Variants in C1QTNF6 observed in about 807,000 individuals in gnomAD.
The protein encoded by C1QTNF6 is complement C1q tumor necrosis factor-related protein 6.
Under a neutral mutation model 20.7 loss-of-function variants are expected in C1QTNF6, and 17 were observed. That is an observed-to-expected ratio of 0.82 (90% confidence interval 0.56 to 1.23). The LOEUF (loss-of-function observed/expected upper bound fraction) is 1.23. Among genes scored for constraint, C1QTNF6 ranks in the 50% most tolerant of loss-of-function variants. The pLI is 0.00. For missense variants in C1QTNF6, 329 were observed against 389.7 expected (o/e 0.84, Z 1.31); for synonymous variants, 130 against 156.3 (o/e 0.83, Z 1.25).
At chr22:37,182,982 G>C (rs1436765536) in intron 2 of C1QTNF6, 4 of 1,348,450 alleles carry the variant, frequency 3.0e-6, no homozygotes, top group Non-Finnish European at 2.9e-6. Context: ...GAGCAGAAGA[G>C]GCAGGACTTA....
At chr22:37,191,996 T>G (rs1206279944), upstream of C1QTNF6, among the ~76,000 whole-genome samples, 1 of 151,978 alleles carries the variant, frequency 6.6e-6, no homozygotes, top group Non-Finnish European at 1.5e-5. Flanking sequence ...TGTTATACTT[T>G]TATTCCATAT....
chr22:37,184,738 C>T lies in C1QTNF6; in HGVS notation c.289+480G>A, dbSNP rs1250258732. ...AGTCCCTACAGTAGCCGGGTGGTGA[C>T]AGCACCCCATGTGATCTGAGCCTGG... On this transcript the variant is annotated intron_variant, in intron 2 of 2. Coordinates refer to ENST00000337843, the MANE Select transcript of C1QTNF6 (RefSeq NM_031910.4). The surrounding 1 kb of genome is among the most constrained non-coding windows in gnomAD (Gnocchi z 4.0). Among the ~76,000 whole-genome samples the T allele has an allele frequency of 1.3e-5, 2 of 152,172 alleles. No homozygotes were observed. Among genetic ancestry groups the T allele is most frequent in the Non-Finnish European group, 2.9e-5 (2 of 68,018 alleles).
chr22:37,187,402 G>C (rs1924449734), intron 1 of C1QTNF6, among the ~76,000 whole-genome samples: 1 of 152,148 alleles, frequency 6.6e-6, no homozygotes, highest in Admixed American at 6.5e-5. Context: ...AGGTCTTAGA[G>C]TCAAATCTGA....
At chr22:37,187,120 T>A (rs889164717) in intron 1 of C1QTNF6, among the ~76,000 whole-genome samples, 5 of 152,074 alleles carry the variant, frequency 3.3e-5, no homozygotes, top group African/African-American at 9.7e-5. Flanking sequence ...CAGAGCTGGA[T>A]GGTAGCAGCA....
At chr22:37,186,662 G>A (rs1004902620) in intron 1 of C1QTNF6, among the ~76,000 whole-genome samples, 3 of 152,148 alleles carry the variant, frequency 2.0e-5, no homozygotes, top group Non-Finnish European at 2.9e-5. Flanking sequence ...GCAGGAAGCC[G>A]GGCAAAAAGA....
At chr22:37,182,925 C>T in intron 2 of C1QTNF6, 190 bp from the exon 3 acceptor site, 1 of 1,430,674 alleles carries the variant, frequency 7.0e-7, no homozygotes, top group Non-Finnish European at 9.1e-7. Context: ...TGACCGTCTT[C>T]ACTTCACAGA....
chr22:37,190,304 T>C (rs1924731848), upstream of C1QTNF6, among the ~76,000 whole-genome samples: 1 of 152,250 alleles, frequency 6.6e-6, no homozygotes. Flanking sequence ...AGTATAATTA[T>C]TTGCCATACA....
chr22:37,193,960 T>C (rs1924976432), intron 2 of C1QTNF6, among the ~76,000 whole-genome samples: 1 of 152,230 alleles, frequency 6.6e-6, no homozygotes. Flanking sequence ...CTAGACAGTT[T>C]CTGTTTTCCT....
chr22:37,194,233 T>C (rs1398849343), intron 2 of C1QTNF6, among the ~76,000 whole-genome samples: 1 of 152,184 alleles, frequency 6.6e-6, no homozygotes, highest in Non-Finnish European at 1.5e-5. Context: ...ACTTGAATAA[T>C]GGGCTTATAT....
At chr22:37,192,380 A>G (rs1695134771), upstream of C1QTNF6, among the ~76,000 whole-genome samples, 1 of 152,240 alleles carries the variant, frequency 6.6e-6, no homozygotes, top group Non-Finnish European at 1.5e-5. Context: ...AGCCTAGGAC[A>G]GCCTTATCTG....
At position 37,184,534 on chromosome 22, in the gene C1QTNF6, CAGCCCTCACCTGGAT is replaced by C; in HGVS notation, c.289+669_289+683del. The C allele has an allele frequency of 1.4e-6, 1 of 705,612 alleles. No individual in the cohort carries two copies. Among genetic ancestry groups the C allele is most frequent in the Non-Finnish European group, 2.6e-6 (1 of 380,274 alleles). 43.7% of individuals were successfully genotyped at this position (705,612 alleles called of 1,614,324 possible). On this transcript the variant is annotated intron_variant, in intron 2 of 2. Coordinates refer to ENST00000337843, the MANE Select transcript of C1QTNF6 (RefSeq NM_031910.4). The surrounding 1 kb of genome is among the most constrained non-coding windows in gnomAD (Gnocchi z 4.0). The stretch of plus-strand genomic sequence containing the variant: ...CTCACCTGGACAGCCCTCACCTGGA[CAGCCCTCACCTGGAT>C]GGCCCTCACCTGGACAGGCCCCACA...
chr22:37,192,379 C>A (rs1040773740), upstream of C1QTNF6, among the ~76,000 whole-genome samples: 12 of 152,222 alleles, frequency 7.9e-5, no homozygotes, highest in African/African-American at 2.9e-4. Context: ...GAGCCTAGGA[C>A]AGCCTTATCT....
rs1924116585 is a variant in C1QTNF6, at chr22:37,184,543, C to CCTGGACAGCCCTCAA, written c.289+674_289+675insTTGAGGGCTGTCCAG. On this transcript the variant is annotated intron_variant, in intron 2 of 2. Coordinates refer to ENST00000337843, the MANE Select transcript of C1QTNF6 (RefSeq NM_031910.4). This position sits in a 1 kb window ranked among gnomAD's most constrained non-coding sequence, Gnocchi z 4.0. ...ACAGCCCTCACCTGGACAGCCCTCACCTGGATGGCCCTCACCTGGACAGGC... is the reference window on the plus strand; with the variant it reads ...ACAGCCCTCACCTGGACAGCCCTCACCTGGACAGCCCTCAACTGGATGGCCCTCACCTGGACAGGC... 1 of 701,278 alleles carries CCTGGACAGCCCTCAA rather than the reference C, an allele frequency of 1.4e-6. No homozygotes were observed. Among genetic ancestry groups the CCTGGACAGCCCTCAA allele is most frequent in the African/African-American group, 1.8e-5 (1 of 57,002 alleles). 43.4% of individuals were successfully genotyped at this position (701,278 alleles called of 1,614,324 possible).
At chr22:37,190,976 T>C (rs1924783572), upstream of C1QTNF6, 1 of 152,208 alleles carries the variant, frequency 6.6e-6, no homozygotes, top group African/African-American at 2.4e-5. Context: ...CAAAAAGTCA[T>C]AAAAGATTAT....
upstream of C1QTNF6, chr22:37,198,243 C>G (rs1925268542): frequency 6.6e-6 from 1 of 152,516 alleles, no homozygotes; most frequent in Non-Finnish European, 1.5e-5. Context: ...GGCTTTTCTC[C>G]CCAACCATTC....
At chr22:37,183,054 G>A (rs1290547231) in intron 2 of C1QTNF6, 17 of 549,038 alleles carry the variant, frequency 3.1e-5, no homozygotes, top group Middle Eastern at 9.1e-4. Context: ...GGTCCGACTG[G>A]TGTCTCTGGG....
In C1QTNF6 at chr22:37,182,250, T is replaced by C. The variant is rs756034090; in HGVS notation, c.775A>G (p.Ser259Gly). 1.7e-5 allele frequency: 28 copies of C among 1,614,164 alleles called. No individual in the cohort carries two copies. The highest frequency in any genetic ancestry group is 2.2e-5 in the East Asian group (1 of 44,886). ...FKRQRENAIY[S>G]NDFDTYITFS... ...GTGATGTAGGTGTCGAAGTCGTTGCTGTAGATGGCGTTCTCGCGCTGGCGC... is the reference window on the plus strand; with the variant it reads ...GTGATGTAGGTGTCGAAGTCGTTGCCGTAGATGGCGTTCTCGCGCTGGCGC... The change falls in exon 3 of 3, where the codon AGC becomes GGC. Residue 259 changes from serine (S) to glycine (G), a missense_variant. Ser to Gly is a moderately conservative substitution (Grantham distance 56). Coordinates refer to ENST00000337843, the MANE Select transcript of C1QTNF6 (RefSeq NM_031910.4).
upstream of C1QTNF6, among the ~76,000 whole-genome samples, chr22:37,189,005 G>C (rs1365575171): frequency 2.0e-5 from 3 of 152,228 alleles, no homozygotes; most frequent in Non-Finnish European, 4.4e-5. Context: ...AGCACTGCTA[G>C]TTGGCTATTT....
At chr22:37,188,512 C>T, upstream of C1QTNF6, 1 of 308,872 alleles carries the variant, frequency 3.2e-6, no homozygotes, top group Non-Finnish European at 6.0e-6. Context: ...CTGAGGCCCC[C>T]TGATGATTGG....
Sources: gnomAD v4.1 joint callset for allele counts (sites outside exome capture counted in the v4.1 genomes callset) on GRCh38, gnomAD v4.1.1 for gene constraint, Gnocchi (gnomAD v3.1) non-coding constraint, MANE v1.5 for transcripts, NCBI Gene and HGNC (gene_info 2026-07-23, HGNC 2026-07-21) for gene names.